The following DUSP5 variants were observed in gnomAD, a reference collection of about 807,000 sequenced individuals.
The protein encoded by DUSP5 is dual specificity protein phosphatase 5.
In DUSP5, 22 loss-of-function variants were observed where a neutral mutation model predicts 33.6. The observed-to-expected ratio is 0.66, with a 90% CI of 0.47 to 0.94. DUSP5 has a LOEUF of 0.94. DUSP5 is among the 40% of genes least tolerant of loss of function. The probability of loss-of-function intolerance (pLI) is 0.00; values close to 1 mark genes in which losing one functional copy is unlikely to be tolerated. For missense variants in DUSP5, 551 were observed against 522.1 expected (o/e 1.06, Z -0.54); for synonymous variants, 270 against 231.1 (o/e 1.17, Z -1.53).
intron 1 of DUSP5, among the ~76,000 whole-genome samples, chr10:110,502,297 G>T (rs1478908173): frequency 2.6e-5 from 4 of 152,230 alleles, no homozygotes. Flanking sequence ...GCTTAGAGCA[G>T]ATGGGCTGGG....
chr10:110,498,331 GGC>G lies in DUSP5; in HGVS notation c.220_221del (p.Arg74AlafsTer56), dbSNP rs748698192. The stretch of plus-strand genomic sequence containing the variant: ...CGCGCTACGTGCTGCCCGACGAGGC[GGC>G]GCGCGCGCGGCTCCTGCAGGAGGGC... ...SARYVLPDEAARARLLQEGGG... is the reference protein window; with the variant it reads ...SARYVLPDEAXRARLLQEGGG... On this transcript the variant is annotated frameshift_variant, in exon 1 of 4. Coordinates refer to ENST00000369583, the MANE Select transcript of DUSP5 (RefSeq NM_004419.4). LOFTEE classifies it high-confidence loss of function. 105 of 1,342,134 alleles carry G rather than the reference GGC, an allele frequency of 7.8e-5. No homozygotes were observed. The highest frequency in any genetic ancestry group is 6.1e-4 in the South Asian group (31 of 50,576). 83.1% of individuals were successfully genotyped at this position (1,342,134 alleles called of 1,614,324 possible). A position where few individuals can be genotyped will look rare whatever the true frequency, so the allele number is the denominator to read the frequency against.
rs190998643 is a variant in DUSP5 at position 110,504,371 on chromosome 10, C to T, written c.528+1502C>T. Reference sequence around the variant, plus strand: ...GTTTCTGAAGGCCTTTGGCTTCTTCCTCTTGGTCTAAACAGAAGTTCAAAA... The same window carrying T: ...GTTTCTGAAGGCCTTTGGCTTCTTCTTCTTGGTCTAAACAGAAGTTCAAAA... On this transcript the variant is annotated intron_variant, in intron 2 of 3. Coordinates refer to ENST00000369583, the MANE Select transcript of DUSP5 (RefSeq NM_004419.4). 2.6e-5 allele frequency among the ~76,000 whole-genome samples: 4 copies of T among 152,290 alleles called. No homozygotes were observed. The East Asian group carries it at 5.8e-4, about 22-fold the overall frequency.
chr10:110,502,681 A>T, intron 1 of DUSP5, 40 bp from the exon 2 acceptor site: 1 of 1,603,548 alleles, frequency 6.2e-7, no homozygotes, highest in Non-Finnish European at 8.5e-7. Flanking sequence ...TGAGAAATTG[A>T]TGCTTACCAT....
rs1455390742 is a variant in DUSP5 at position 110,506,968 on chromosome 10, C to T, written c.562C>T (p.Leu188Phe). The T allele has an allele frequency of 1.9e-6, 3 of 1,614,274 alleles. No individual in the cohort carries two copies. Among genetic ancestry groups the T allele is most frequent in the Non-Finnish European group, 2.5e-6 (3 of 1,180,052 alleles). ...AGTTGAAATCCTTCCCTTCCTCTAC[C>T]TTGGAAGTGCCTACCATGCATCCAA... Reference protein sequence around the residue: ...GPVEILPFLYLGSAYHASKCE... With the variant: ...GPVEILPFLYFGSAYHASKCE... The change falls in exon 3 of 4, where the codon CTT becomes TTT. Residue 188 changes from leucine to phenylalanine, a missense_variant. Transcript: ENST00000369583.
At chr10:110,509,346 TC>T (rs1207037201) in intron 3 of DUSP5, among the ~76,000 whole-genome samples, 1 of 152,204 alleles carries the variant, frequency 6.6e-6, no homozygotes, top group Non-Finnish European at 1.5e-5. Flanking sequence ...ATTTATATCC[TC>T]CGTCTAGTAG....
chr10:110,509,936 T>A, intron 3 of DUSP5, 84 bp from the exon 4 acceptor site: 7 of 1,498,104 alleles, frequency 4.7e-6, no homozygotes, highest in Non-Finnish European at 6.2e-6. Context: ...ATATCTAGGT[T>A]ACTCCAGTGT....
chr10:110,503,612 A>G (rs1860083560), intron 2 of DUSP5: 1 of 152,232 alleles, frequency 6.6e-6, no homozygotes, highest in Non-Finnish European at 1.5e-5. Context: ...GAGAATCCAA[A>G]TCTGGCAGAA....
In DUSP5 at chr10:110,508,731, C is replaced by T. The variant is rs192385112; in HGVS notation, c.749-1289C>T. 6.6e-5 allele frequency among the ~76,000 whole-genome samples: 10 copies of T among 152,282 alleles called. No homozygotes were observed. In the East Asian group the frequency reaches 9.6e-4, roughly 15 times the overall value. ...AGAGGAGCGAAGGGAGATAGGAGCC[C>T]GACTCTGTAATTCTAGGGACTTGGG... On this transcript the variant is annotated intron_variant, in intron 3 of 3. Coordinates refer to ENST00000369583, the MANE Select transcript of DUSP5 (RefSeq NM_004419.4).
intron 1 of DUSP5, among the ~76,000 whole-genome samples, chr10:110,500,164 G>A (rs1183587055): frequency 6.6e-6 from 1 of 152,164 alleles, no homozygotes; most frequent in African/African-American, 2.4e-5. Context: ...CTTAGAAATA[G>A]ATTGATTTTG....
chr10:110,499,643 C>G lies in DUSP5; in HGVS notation c.379+1143C>G, dbSNP rs535919711. ...AGACAGTTCCCCTCTCTGCTAGCAC[C>G]TCCTGCTGACTGGTCCCCTGTTGAT... On this transcript the variant is annotated intron_variant, in intron 1 of 3. Transcript: ENST00000369583. Among the ~76,000 whole-genome samples the G allele has an allele frequency of 3.9e-5, 6 of 152,286 alleles. No homozygotes were observed. In the East Asian group the frequency reaches 1.2e-3, roughly 29 times the overall value.
intron 1 of DUSP5, 60 bp downstream of exon 1, chr10:110,498,560 C>T (rs1262145546): frequency 1.5e-6 from 2 of 1,370,294 alleles, no homozygotes; most frequent in Admixed American, 3.4e-5. Flanking sequence ...CCCCTCCCTG[C>T]GCCGGGGCGC....
At chr10:110,508,337 C>T (rs1004075443) in intron 3 of DUSP5, among the ~76,000 whole-genome samples, 1 of 152,086 alleles carries the variant, frequency 6.6e-6, no homozygotes, top group Non-Finnish European at 1.5e-5. Flanking sequence ...CCTTCTCAGC[C>T]TGTTATTTAA....
intron 3 of DUSP5, among the ~76,000 whole-genome samples, chr10:110,508,870 C>G (rs1416817581): frequency 6.6e-6 from 1 of 152,170 alleles, no homozygotes; most frequent in African/African-American, 2.4e-5. Context: ...GGTTTTTGTT[C>G]AGATGGGGAA....
At chr10:110,506,520 T>C (rs1051743466) in intron 2 of DUSP5, among the ~76,000 whole-genome samples, 1 of 152,182 alleles carries the variant, frequency 6.6e-6, no homozygotes, top group East Asian at 1.9e-4. Flanking sequence ...CCATTTTATC[T>C]GTAAAGAAAG....
In DUSP5 at chr10:110,498,298, G is replaced by A. The variant is rs1859986643; in HGVS notation, c.177G>A (p.Ala59=). 1 of 1,435,924 alleles carries A rather than the reference G, an allele frequency of 7.0e-7. No homozygotes were observed. Among genetic ancestry groups the A allele is most frequent in the Non-Finnish European group, 9.2e-7 (1 of 1,089,412 alleles). The allele number at this position is 1,435,924 out of a possible 1,614,324, so 88.9% of individuals were successfully genotyped here. A position where few individuals can be genotyped will look rare whatever the true frequency, so the allele number is the denominator to read the frequency against. Residue 59 remains alanine (A), a synonymous_variant, in exon 1 of 4, where the codon GCG becomes GCA. Transcript: ENST00000369583. ...SVVLRRARGG[A]VSARYVLPDE... ...TGCTGCGGCGGGCCCGGGGCGGCGC[G>A]GTGTCGGCGCGCTACGTGCTGCCCG... is the stretch of plus-strand genomic sequence containing the variant.
Position 110,510,442 on chromosome 10 carries a change from A to T in DUSP5, c.*16A>T. 1 of 1,554,374 alleles carries T rather than the reference A, an allele frequency of 6.4e-7. No individual in the cohort carries two copies. ...ATCCTGCTAAAACTGGGATGGAGGA[A>T]TCGGCCCAGCCCCAAGAGCAACTGT... On this transcript the variant is annotated 3_prime_UTR_variant, in exon 4 of 4. Coordinates refer to ENST00000369583, the MANE Select transcript of DUSP5 (RefSeq NM_004419.4).
chr10:110,498,346 C>T lies in DUSP5; in HGVS notation c.225C>T (p.Leu75=), dbSNP rs935640143. 2.2e-6 allele frequency: 3 copies of T among 1,351,740 alleles called. No individual in the cohort carries two copies. Among genetic ancestry groups the T allele is most frequent in the East Asian group, 3.0e-5 (1 of 32,902 alleles). 83.7% of individuals were successfully genotyped at this position (1,351,740 alleles called of 1,614,324 possible). Residue 75 remains leucine, a synonymous_variant, in exon 1 of 4, where the codon CTC becomes CTT. Coordinates refer to ENST00000369583, the MANE Select transcript of DUSP5 (RefSeq NM_004419.4). Reference sequence around the variant, plus strand: ...CCGACGAGGCGGCGCGCGCGCGGCTCCTGCAGGAGGGCGGCGGCGGCGTCG... The same window carrying T: ...CCGACGAGGCGGCGCGCGCGCGGCTTCTGCAGGAGGGCGGCGGCGGCGTCG... The part of the protein sequence containing the change: ...VLPDEAARAR[L]LQEGGGGVAA...
At chr10:110,504,829 G>A (rs1026331947) in intron 2 of DUSP5, among the ~76,000 whole-genome samples, 1 of 152,180 alleles carries the variant, frequency 6.6e-6, no homozygotes. Flanking sequence ...AGGTTTTAAT[G>A]CATTCATTAT....
chr10:110,498,569 G>T, intron 1 of DUSP5, 69 bp downstream of exon 1: 1 of 1,365,270 alleles, frequency 7.3e-7, no homozygotes, highest in Non-Finnish European at 9.4e-7. Flanking sequence ...GCGCCGGGGC[G>T]CCCTCCTACA....
Sources: allele counts gnomAD v4.1 joint callset (sites outside exome capture counted in the v4.1 genomes callset), GRCh38; gene constraint gnomAD v4.1.1; transcripts MANE v1.5; gene names NCBI Gene and HGNC (gene_info 2026-07-23, HGNC 2026-07-21).